The following NALF1 variants were observed in gnomAD, a reference collection of about 807,000 sequenced individuals.
The protein encoded by NALF1 is NALCN channel auxiliary factor 1, also known as family with sequence similarity 155 member A.
In NALF1, 3 loss-of-function variants were observed where a neutral mutation model predicts 48.4. The observed-to-expected ratio is 0.06, with a 90% CI of 0.03 to 0.16. The LOEUF is 0.16. Among genes scored for constraint, NALF1 ranks in the 10% least tolerant of loss-of-function variants. The pLI, the probability that NALF1 is intolerant of heterozygous loss-of-function variation, is 1.00. For synonymous variants in NALF1, 262 were observed against 245.7 expected (o/e 1.07, Z -0.62); for missense variants, 526 against 571.5 (o/e 0.92, Z 0.81).
Position 107,866,539 on chromosome 13 carries a change from C to T in NALF1, c.58G>A (p.Ala20Thr). 1 of 1,613,280 alleles carries T rather than the reference C, an allele frequency of 6.2e-7. No individual in the cohort carries two copies. ...QYDDGLKIWLAAPRENEKPFI... is the reference protein window; with the variant it reads ...QYDDGLKIWLTAPRENEKPFI... ...GGTTTCTCGTTCTCTCGGGGTGCTG[C>T]CAACCAGATTTTTAAGCCGTCGTCA... Residue 20 changes from alanine to threonine, a missense_variant, in exon 1 of 3, where the codon GCA becomes ACA. This residue lies in a region of NALF1 where 373 missense variants were observed against 355.5 expected (regional missense o/e 1.05). Transcript: ENST00000375915. The surrounding 1 kb of genome is among the most constrained non-coding windows in gnomAD (Gnocchi z 4.4).
intron 1 of NALF1, among the ~76,000 whole-genome samples, chr13:107,615,565 G>C (rs9559101): frequency 6.6e-6 from 1 of 152,028 alleles, no homozygotes; most frequent in Admixed American, 6.6e-5. Flanking sequence ...CCTTCAGAGC[G>C]AGGTCATAAC....
chr13:107,253,490 G>A (rs913148526), intron 1 of NALF1, among the ~76,000 whole-genome samples: 36 of 152,100 alleles, frequency 2.4e-4, no homozygotes, highest in Admixed American at 2.2e-3. Flanking sequence ...GTGCCTATGT[G>A]CCACATTGAG....
intron 1 of NALF1, among the ~76,000 whole-genome samples, chr13:107,711,311 A>G (rs954864978): frequency 6.6e-6 from 1 of 152,172 alleles, no homozygotes; most frequent in South Asian, 2.1e-4. Context: ...ACTAAACCAA[A>G]CTCATGGTCC....
At chr13:107,198,775 G>T (rs1221315200) in intron 2 of NALF1, among the ~76,000 whole-genome samples, 1 of 152,158 alleles carries the variant, frequency 6.6e-6, no homozygotes, top group Non-Finnish European at 1.5e-5. Context: ...CTTCCGGGGG[G>T]TTTTCAGGAA....
intron 1 of NALF1, among the ~76,000 whole-genome samples, chr13:107,841,188 T>C (rs1419516322): frequency 6.6e-6 from 1 of 152,194 alleles, no homozygotes; most frequent in Non-Finnish European, 1.5e-5. Flanking sequence ...CACTTATGCA[T>C]ATTTGAAATA....
chr13:107,569,977 A>T (rs533025316), intron 1 of NALF1, among the ~76,000 whole-genome samples: 29 of 152,106 alleles, frequency 1.9e-4, no homozygotes, highest in Admixed American at 3.9e-4. Context: ...ATTTTTTTTA[A>T]AAAAAATCTC....
chr13:107,482,642 A>C (rs1261694658), intron 1 of NALF1, among the ~76,000 whole-genome samples: 1 of 152,178 alleles, frequency 6.6e-6, no homozygotes, highest in Non-Finnish European at 1.5e-5. Context: ...CCATTAAATT[A>C]ATTTTCAGCA....
intron 1 of NALF1, among the ~76,000 whole-genome samples, chr13:107,571,902 C>T (rs1877996242): frequency 6.6e-6 from 1 of 152,014 alleles, no homozygotes; most frequent in Non-Finnish European, 1.5e-5. Context: ...GTAGTTTTTT[C>T]TTTAATTGCC....
chr13:107,256,609 G>A (rs1880820678), intron 1 of NALF1, among the ~76,000 whole-genome samples: 1 of 152,144 alleles, frequency 6.6e-6, no homozygotes, highest in Non-Finnish European at 1.5e-5. Context: ...AATGAGTAAA[G>A]TTTTAATACA....
chr13:107,819,415 T>C (rs1879287720), intron 1 of NALF1, among the ~76,000 whole-genome samples: 1 of 152,196 alleles, frequency 6.6e-6, no homozygotes, highest in African/African-American at 2.4e-5. Context: ...TGTCATCTTT[T>C]TTCCAAACTT....
intron 1 of NALF1, among the ~76,000 whole-genome samples, chr13:107,519,431 T>C (rs1444354162): frequency 6.6e-6 from 1 of 152,098 alleles, no homozygotes; most frequent in East Asian, 1.9e-4. Context: ...GTAAAACTAC[T>C]AAGTAATGGT....
intron 1 of NALF1, among the ~76,000 whole-genome samples, chr13:107,782,305 T>C (rs1243477137): frequency 6.6e-6 from 1 of 152,218 alleles, no homozygotes; most frequent in Non-Finnish European, 1.5e-5. Flanking sequence ...TCCGCCAGCC[T>C]CGGCCTCCGG....
chr13:107,758,029 T>C (rs1217999456), intron 1 of NALF1, among the ~76,000 whole-genome samples: 1 of 152,186 alleles, frequency 6.6e-6, no homozygotes, highest in Non-Finnish European at 1.5e-5. Context: ...TTCTTTTATA[T>C]ATCCAACTGA....
intron 1 of NALF1, among the ~76,000 whole-genome samples, chr13:107,742,889 G>A (rs1255985352): frequency 6.6e-6 from 1 of 152,202 alleles, no homozygotes; most frequent in African/African-American, 2.4e-5. Context: ...GCTAAGAATT[G>A]TGGATGCTAC....
intron 1 of NALF1, among the ~76,000 whole-genome samples, chr13:107,249,582 G>A (rs1356038904): frequency 6.6e-6 from 1 of 151,958 alleles, no homozygotes; most frequent in Non-Finnish European, 1.5e-5. Flanking sequence ...CCTGAAGGGT[G>A]GCAAACTCTT....
intron 1 of NALF1, among the ~76,000 whole-genome samples, chr13:107,528,666 A>G: frequency 6.6e-6 from 1 of 152,170 alleles, no homozygotes; most frequent in East Asian, 1.9e-4. Context: ...CATAGATAAC[A>G]TAGTAGGTCC....
intron 1 of NALF1, among the ~76,000 whole-genome samples, chr13:107,236,719 ATCTATCTATC>A (rs1220440347): frequency 3.4e-5 from 5 of 147,982 alleles, no homozygotes; most frequent in Non-Finnish European, 5.9e-5. Context: ...CTATCTATCT[ATCTATCTATC>A]TATCTATCAT....
At chr13:107,600,598 T>C (rs150305947) in intron 1 of NALF1, among the ~76,000 whole-genome samples, 1 of 152,352 alleles carries the variant, frequency 6.6e-6, no homozygotes, top group East Asian at 1.9e-4. Context: ...GTTTATTGTG[T>C]ATCAGTTACT....
chr13:107,855,815 G>A (rs1880428401), intron 1 of NALF1, among the ~76,000 whole-genome samples: 1 of 152,192 alleles, frequency 6.6e-6, no homozygotes. Context: ...GTTTGCCCAT[G>A]ATGTTGAATT....
Sources: gnomAD v4.1 joint callset for allele counts (sites outside exome capture counted in the v4.1 genomes callset) on GRCh38, gnomAD v4.1.1 for gene constraint, gnomAD v4.1.1 regional missense constraint, Gnocchi (gnomAD v3.1) non-coding constraint, MANE v1.5 for transcripts, NCBI Gene and HGNC (gene_info 2026-07-23, HGNC 2026-07-21) for gene names.